Variants in HJURP observed in about 807,000 individuals in gnomAD.
The protein encoded by HJURP is Holliday junction recognition protein.
HJURP carries 49 observed loss-of-function variants against 72.0 expected under a neutral mutation model. The observed-to-expected ratio is 0.68, with a 90% CI of 0.54 to 0.86. HJURP has a LOEUF of 0.86. Among genes scored for constraint, HJURP ranks in the 40% least tolerant of loss-of-function variants. The pLI is 0.00. For missense variants in HJURP, 908 were observed against 936.3 expected, an observed-to-expected ratio of 0.97 and a Z score of 0.39; for synonymous variants, 357 against 347.1, an observed-to-expected ratio of 1.03 and a Z score of -0.32.
Position 233,852,551 on chromosome 2 carries a change from T to C in HJURP, c.240+14A>G, listed in dbSNP as rs746437056. On this transcript the variant is annotated intron_variant, in intron 3 of 8. Coordinates refer to ENST00000411486, the MANE Select transcript of HJURP (RefSeq NM_018410.5). ...CAGCAAGGTTATTTGGCAATAAAAT[T>C]TGACACTAAATACCTGGATCTCTCC... 1.3e-6 allele frequency: 2 copies of C among 1,574,430 alleles called. No individual in the cohort carries two copies. Among genetic ancestry groups the C allele is most frequent in the South Asian group, 1.1e-5 (1 of 90,402 alleles).
At chr2:233,847,220 G>A (rs1171936853) in intron 5 of HJURP, among the ~76,000 whole-genome samples, 177 bp downstream of exon 5, 1 of 152,144 alleles carries the variant, frequency 6.6e-6, no homozygotes, top group Non-Finnish European at 1.5e-5. Flanking sequence ...GGGCCTTACC[G>A]CTGAAGGGAA....
Position 233,841,826 on chromosome 2 carries a change from CCT to C in HJURP, c.952_953del (p.Arg318GlufsTer11), listed in dbSNP as rs755737964. On this transcript the variant is annotated frameshift_variant, in exon 8 of 9. Transcript: ENST00000411486. LOFTEE classifies it high-confidence loss of function. Reference protein sequence around the residue: ...TYCKGARRSQRSSKENFIPCS... With the variant: ...TYCKGARRSQXSSKENFIPCS... Reference sequence around the variant, plus strand: ...AGGGTATGAAGTTCTCCTTGGAGCTCCTCTGAGAACGTCTGGCTCCTTTGCAA... The same window carrying C: ...AGGGTATGAAGTTCTCCTTGGAGCTCCTGAGAACGTCTGGCTCCTTTGCAA... 1 of 1,614,166 alleles carries C rather than the reference CCT, an allele frequency of 6.2e-7. No individual in the cohort carries two copies.
rs368172817 is a variant in HJURP at position 233,847,433 on chromosome 2, C to T, written c.366G>A (p.Thr122=). ...AAGCAACTGACTCTTCCTGGTCTGA[C>T]GTGGCATCGACCTCACCGCTTTTTG... ...ADSKSGEVDA[T]SDQEESVAWA... is the part of the protein sequence containing the mutation. The change falls in exon 5 of 9, where the codon ACG becomes ACA. Residue 122 remains threonine (T), a synonymous_variant. Coordinates refer to ENST00000411486, the MANE Select transcript of HJURP (RefSeq NM_018410.5). The T allele has an allele frequency of 9.3e-6, 15 of 1,614,002 alleles. No individual in the cohort carries two copies. The highest frequency in any genetic ancestry group is 6.7e-5 in the East Asian group (3 of 44,902).
chr2:233,853,914 CGGA>C lies in HJURP; in HGVS notation c.118-7_118-5del, dbSNP rs1705553884. ...TGTCCTCGAAGGGCTGGTTGTACTG[CGGA>C]GGAGGAAGGGGCTTCCTGTCAGGTT... On this transcript the variant is annotated splice_polypyrimidine_tract_variant and splice_region_variant and intron_variant, in intron 1 of 8. Coordinates refer to ENST00000411486, the MANE Select transcript of HJURP (RefSeq NM_018410.5). 1 of 1,613,566 alleles carries C rather than the reference CGGA, an allele frequency of 6.2e-7. No individual in the cohort carries two copies.
At chr2:233,852,250 G>A (rs963819190) in intron 3 of HJURP, among the ~76,000 whole-genome samples, 62 of 152,306 alleles carry the variant, frequency 4.1e-4, no homozygotes, top group African/African-American at 1.5e-3. Context: ...GCCTCGCTGG[G>A]CTGGCACGTG....
At position 233,841,366 on chromosome 2, in the gene HJURP, C is replaced by G; in HGVS notation, c.1414G>C (p.Ala472Pro). The G allele has an allele frequency of 6.2e-7, 1 of 1,614,116 alleles. No individual in the cohort carries two copies. Among genetic ancestry groups the G allele is most frequent in the Non-Finnish European group, 8.5e-7 (1 of 1,180,016 alleles). ...AAGCCCTGAAGGCCACCAGGACTCG[C>G]AGGACCCCCTCTGTACATGTTCATG... ...WAMNMYRGGPASPGGLQGLET... is the reference protein window; with the variant it reads ...WAMNMYRGGPPSPGGLQGLET... The change falls in exon 8 of 9, where the codon GCG (alanine) becomes CCG (proline). Residue 472 changes from alanine (A) to proline (P), a missense_variant. Ala to Pro is a conservative substitution (Grantham distance 27). This residue lies in a region of HJURP where 598 missense variants were observed against 619.5 expected (regional missense o/e 0.97). Coordinates refer to ENST00000411486, the MANE Select transcript of HJURP (RefSeq NM_018410.5).
chr2:233,851,446 C>G (rs1221559569), intron 3 of HJURP, among the ~76,000 whole-genome samples: 1 of 152,124 alleles, frequency 6.6e-6, no homozygotes, highest in African/African-American at 2.4e-5. Context: ...GACCATAGAG[C>G]CAGCAAAGCC....
chr2:233,841,727 T>G lies in HJURP; in HGVS notation c.1053A>C (p.Thr351=). ...GAAAAGCTTTTTCCAATTTTAAACCTGTCTTACGGCAAGAAACATCTAATA... is the reference window on the plus strand; with the variant it reads ...GAAAAGCTTTTTCCAATTTTAAACCGGTCTTACGGCAAGAAACATCTAATA... ...KNVLDVSCRK[T]GLKLEKAFLE... The change falls in exon 8 of 9, where the codon ACA becomes ACC. Residue 351 remains threonine (T), a synonymous_variant. Transcript: ENST00000411486. 1 of 1,614,196 alleles carries G rather than the reference T, an allele frequency of 6.2e-7. No homozygotes were observed. Among genetic ancestry groups the G allele is most frequent in the Non-Finnish European group, 8.5e-7 (1 of 1,180,046 alleles).
chr2:233,837,492 C>T lies in HJURP; in HGVS notation c.*85G>A. On this transcript the variant is annotated 3_prime_UTR_variant, in exon 9 of 9. Coordinates refer to ENST00000411486, the MANE Select transcript of HJURP (RefSeq NM_018410.5). ...TTAAGGGCAGAGAAGTCAACCAAGT[C>T]CTCACAGTCTCAAGAATCAAAAACA... 1 of 921,084 alleles carries T rather than the reference C, an allele frequency of 1.1e-6. No homozygotes were observed. Among genetic ancestry groups the T allele is most frequent in the Non-Finnish European group, 1.8e-6 (1 of 563,686 alleles). 57.1% of individuals were successfully genotyped at this position (921,084 alleles called of 1,614,324 possible).
intron 3 of HJURP, among the ~76,000 whole-genome samples, chr2:233,850,836 G>C (rs1705479893): frequency 6.6e-6 from 1 of 152,190 alleles, no homozygotes; most frequent in African/African-American, 2.4e-5. Context: ...TGGTAGCTCT[G>C]GTAGCTACAA....
intron 1 of HJURP, 45 bp from the exon 2 acceptor site, chr2:233,853,955 G>A (rs1705554849): frequency 1.3e-5 from 20 of 1,582,530 alleles, no homozygotes; most frequent in Admixed American, 5.1e-5. Flanking sequence ...AGGGCCACGA[G>A]GGGCCCCAGA....
chr2:233,839,193 G>T (rs1183912492), intron 8 of HJURP, among the ~76,000 whole-genome samples: 1 of 152,204 alleles, frequency 6.6e-6, no homozygotes, highest in Non-Finnish European at 1.5e-5. Flanking sequence ...AAACCTGGGA[G>T]CTTCTAGAAC....
chr2:233,850,352 T>TTC (rs1705469637), intron 3 of HJURP, among the ~76,000 whole-genome samples: 1 of 152,144 alleles, frequency 6.6e-6, no homozygotes, highest in African/African-American at 2.4e-5. Flanking sequence ...CAGCTGCTTG[T>TTC]CCTGACCAGG....
Position 233,844,212 on chromosome 2 carries a change from A to G in HJURP, c.567T>C (p.Pro189=). The G allele has an allele frequency of 6.2e-7, 1 of 1,613,856 alleles. No homozygotes were observed. Reference sequence around the variant, plus strand: ...TTTCTATGTCACACTCACCGGGGGCAGGCACGGCAGGTGAGGCCAGTGAAG... The same window carrying G: ...TTTCTATGTCACACTCACCGGGGGCGGGCACGGCAGGTGAGGCCAGTGAAG... ...PLPSLASPAV[P]APGYCSRISR... is the part of the protein sequence containing the mutation. Residue 189 remains proline (P), a synonymous_variant, in exon 7 of 9, where the codon CCT becomes CCC. Coordinates refer to ENST00000411486, the MANE Select transcript of HJURP (RefSeq NM_018410.5).
chr2:233,842,031 A>C lies in HJURP; in HGVS notation c.749T>G (p.Phe250Cys). 6.2e-7 allele frequency: 1 copy of C among 1,614,174 alleles called. No individual in the cohort carries two copies. Among genetic ancestry groups the C allele is most frequent in the Non-Finnish European group, 8.5e-7 (1 of 1,180,022 alleles). Residue 250 changes from phenylalanine to cysteine, a missense_variant, in exon 8 of 9, where the codon TTT (phenylalanine) becomes TGT (cysteine). By Grantham distance (205) the Phe-to-Cys change is radical (BLOSUM62 -2). Around this residue, in one of 3 missense-constraint regions of HJURP, gnomAD observed 598 missense variants for 619.5 expected, o/e 0.97. Coordinates refer to ENST00000411486, the MANE Select transcript of HJURP (RefSeq NM_018410.5). ...CACATTGCAAATGTCATCATCTTCA[A>C]AGGGCTGGCTGCTTAAGAAGCTGCT... is the stretch of plus-strand genomic sequence containing the variant. ...SSSSFLSSQPFEDDDICNVTI... is the reference protein window; with the variant it reads ...SSSSFLSSQPCEDDDICNVTI...
chr2:233,842,223 C>A lies in HJURP; in HGVS notation c.575-18G>T, dbSNP rs767113031. On this transcript the variant is annotated intron_variant, in intron 7 of 8. Coordinates refer to ENST00000411486, the MANE Select transcript of HJURP (RefSeq NM_018410.5). ...GCAGTATCCTGGGAGAAAAGATACACATAAAGTAAAGGTGTGTTACCATTC... is the reference window on the plus strand; with the variant it reads ...GCAGTATCCTGGGAGAAAAGATACAAATAAAGTAAAGGTGTGTTACCATTC... 4 of 1,581,844 alleles carry A rather than the reference C, an allele frequency of 2.5e-6. No individual in the cohort carries two copies. In the African/African-American group the frequency reaches 5.4e-5, roughly 21 times the overall value.
Position 233,853,921 on chromosome 2 carries a change from G to T in HJURP, c.118-11C>A. ...GAAGGGCTGGTTGTACTGCGGAGGA[G>T]GAAGGGGCTTCCTGTCAGGTTCCAG... On this transcript the variant is annotated splice_polypyrimidine_tract_variant and intron_variant, in intron 1 of 8. Coordinates refer to ENST00000411486, the MANE Select transcript of HJURP (RefSeq NM_018410.5). 1 of 1,613,294 alleles carries T rather than the reference G, an allele frequency of 6.2e-7. No homozygotes were observed. Among genetic ancestry groups the T allele is most frequent in the Non-Finnish European group, 8.5e-7 (1 of 1,179,594 alleles).
chr2:233,849,222 G>C (rs1415512224), intron 4 of HJURP, among the ~76,000 whole-genome samples: 1 of 152,188 alleles, frequency 6.6e-6, no homozygotes, highest in Non-Finnish European at 1.5e-5. Context: ...AGGGGCCCAG[G>C]ACAGGGGAGA....
Position 233,846,103 on chromosome 2 carries a change from GTGAGTTCAGGA to G in HJURP, c.403-294_403-284del. The G allele has an allele frequency of 3.1e-6, 1 of 321,860 alleles. No individual in the cohort carries two copies. The highest frequency in any genetic ancestry group is 5.8e-6 in the Non-Finnish European group (1 of 173,328). The allele number at this position is 321,860 out of a possible 1,614,324, so 19.9% of individuals were successfully genotyped here. On this transcript the variant is annotated intron_variant, in intron 5 of 8. Coordinates refer to ENST00000411486, the MANE Select transcript of HJURP (RefSeq NM_018410.5). The surrounding 1 kb of genome is among the most constrained non-coding windows in gnomAD (Gnocchi z 4.3). ...AAAAAAAAAATCTGAATATTCATAG[GTGAGTTCAGGA>G]CTCAACTACTGGTAATAACTTCAAA...
Sources: allele counts gnomAD v4.1 joint callset (sites outside exome capture counted in the v4.1 genomes callset), GRCh38; gene constraint gnomAD v4.1.1; regional missense constraint gnomAD v4.1.1; non-coding constraint Gnocchi (gnomAD v3.1); transcripts MANE v1.5; gene names NCBI Gene and HGNC (gene_info 2026-07-23, HGNC 2026-07-21).